KIF3B: variants seen among roughly 807,000 people sequenced by gnomAD.
The protein encoded by KIF3B is kinesin-like protein KIF3B.
KIF3B carries 38 observed loss-of-function variants against 74.3 expected under a neutral mutation model. The ratio of observed to expected loss-of-function variants is 0.51; its 90% CI spans 0.39 to 0.67. The LOEUF (loss-of-function observed/expected upper bound fraction) is 0.67. Among genes scored for constraint, KIF3B ranks in the 30% least tolerant of loss-of-function variants. KIF3B has a pLI of 0.00. For missense variants in KIF3B, 649 were observed against 932.0 expected, an observed-to-expected ratio of 0.70 and a Z score of 3.95; for synonymous variants, 326 against 342.5, an observed-to-expected ratio of 0.95 and a Z score of 0.53.
chr20:32,307,818 C>T (rs1208276199), intron 1 of KIF3B, among the ~76,000 whole-genome samples: 3 of 149,880 alleles, frequency 2.0e-5, no homozygotes, highest in Non-Finnish European at 4.4e-5. Context: ...ACTCGGGAGG[C>T]TGAGACAGGA....
At chr20:32,327,462 C>T in intron 6 of KIF3B, 94 bp from the exon 7 acceptor site, 3 of 948,158 alleles carry the variant, frequency 3.2e-6, no homozygotes, top group Non-Finnish European at 5.0e-6. Flanking sequence ...GCCTGCAGTC[C>T]AGGGAGTTAC....
chr20:32,284,586 C>T (rs1030805253), intron 1 of KIF3B, among the ~76,000 whole-genome samples: 4 of 151,992 alleles, frequency 2.6e-5, no homozygotes, highest in African/African-American at 9.7e-5. Flanking sequence ...GCCAGGAGTC[C>T]GAGACCAACC....
chr20:32,296,800 G>T (rs566139215), intron 1 of KIF3B, among the ~76,000 whole-genome samples: 1 of 152,154 alleles, frequency 6.6e-6, no homozygotes, highest in East Asian at 1.9e-4. Flanking sequence ...TAAAAGTTCT[G>T]CAGGACAGTG....
intron 1 of KIF3B, among the ~76,000 whole-genome samples, chr20:32,284,578 C>T (rs1048860181): frequency 1.3e-5 from 2 of 152,050 alleles, no homozygotes; most frequent in Non-Finnish European, 2.9e-5. Context: ...CACTGGAGGC[C>T]AGGAGTCCGA....
Position 32,310,259 on chromosome 20 carries a change from C to A in KIF3B, c.482C>A (p.Thr161Asn), listed in dbSNP as rs766448828. ...CGAGATTTGCTCTCAAAGGATCAGA[C>A]CAAAAGGCTTGAGCTCAAAGAGAGG... ...EIRDLLSKDQTKRLELKERPD... is the reference protein window; with the variant it reads ...EIRDLLSKDQNKRLELKERPD... Residue 161 changes from threonine to asparagine, a missense_variant, in exon 2 of 9, where the codon ACC becomes AAC. Coordinates refer to ENST00000375712, the MANE Select transcript of KIF3B (RefSeq NM_004798.4). This position sits in a 1 kb window ranked among gnomAD's most constrained non-coding sequence, Gnocchi z 6.5. The A allele has an allele frequency of 1.7e-5, 28 of 1,613,844 alleles. No homozygotes were observed. Among genetic ancestry groups the A allele is most frequent in the Non-Finnish European group, 2.4e-5 (28 of 1,179,988 alleles).
chr20:32,282,752 A>G (rs1332348277), intron 1 of KIF3B, among the ~76,000 whole-genome samples: 1 of 152,192 alleles, frequency 6.6e-6, no homozygotes, highest in Admixed American at 6.5e-5. Flanking sequence ...TGGTGTGCCA[A>G]ATGGCCACAT....
chr20:32,282,730 G>C (rs6087862), intron 1 of KIF3B, among the ~76,000 whole-genome samples: 2 of 152,090 alleles, frequency 1.3e-5, no homozygotes, highest in African/African-American at 4.8e-5. Context: ...GGAATCACTA[G>C]TGAAGTTCAC....
chr20:32,322,708 T>TTTA (rs2047869846), intron 5 of KIF3B, among the ~76,000 whole-genome samples: 1 of 46,334 alleles, frequency 2.2e-5, no homozygotes, highest in African/African-American at 9.0e-5. Flanking sequence ...ATTTATATAT[T>TTTA]TATATATATT....
At chr20:32,305,799 G>A (rs1320410828) in intron 1 of KIF3B, among the ~76,000 whole-genome samples, 2 of 151,070 alleles carry the variant, frequency 1.3e-5, no homozygotes, top group Non-Finnish European at 3.0e-5. Context: ...GGCCAGGCTG[G>A]TCTCGAACTG....
At chr20:32,290,899 A>G (rs1360673809) in intron 1 of KIF3B, among the ~76,000 whole-genome samples, 2 of 151,902 alleles carry the variant, frequency 1.3e-5, no homozygotes, top group African/African-American at 4.8e-5. Context: ...AAGAAAATAT[A>G]TATAGTGCAT....
At chr20:32,321,925 A>C (rs926005219) in intron 5 of KIF3B, among the ~76,000 whole-genome samples, 4 of 152,184 alleles carry the variant, frequency 2.6e-5, no homozygotes, top group African/African-American at 7.2e-5. Context: ...GGAAACCAAA[A>C]AATTGTGTTA....
chr20:32,290,202 G>A (rs1370622637), intron 1 of KIF3B, among the ~76,000 whole-genome samples: 1 of 152,102 alleles, frequency 6.6e-6, no homozygotes, highest in East Asian at 1.9e-4. Context: ...GGCCAACATA[G>A]TGAAACCCAC....
chr20:32,294,282 A>G lies in KIF3B; in HGVS notation c.-65-15431A>G, dbSNP rs533249260. Among the ~76,000 whole-genome samples, 9 of 152,264 alleles carry G rather than the reference A, an allele frequency of 5.9e-5. No individual in the cohort carries two copies. In the East Asian group the frequency reaches 1.7e-3, roughly 29 times the overall value. ...TGTGTCATCAAATGACAGAGAGTAC[A>G]TGGCGCCAGTTTGAATTCAGGGCAG... is the stretch of plus-strand genomic sequence containing the variant. On this transcript the variant is annotated intron_variant, in intron 1 of 8. Transcript: ENST00000375712.
In KIF3B at chr20:32,331,393, G is replaced by A; in HGVS notation, c.*74G>A. On this transcript the variant is annotated 3_prime_UTR_variant, in exon 9 of 9. Coordinates refer to ENST00000375712, the MANE Select transcript of KIF3B (RefSeq NM_004798.4). ...GAAGAGACTAGCAAAAAGCTGCAGA[G>A]AGGATTCGGCCCAAACTCAGAACTG... 1 of 1,251,456 alleles carries A rather than the reference G, an allele frequency of 8.0e-7. No homozygotes were observed. Among genetic ancestry groups the A allele is most frequent in the Non-Finnish European group, 1.1e-6 (1 of 875,096 alleles). The allele number at this position is 1,251,456 out of a possible 1,614,324, so 77.5% of individuals were successfully genotyped here.
At chr20:32,327,529 G>C in intron 6 of KIF3B, 27 bp from the exon 7 acceptor site, 1 of 1,596,866 alleles carries the variant, frequency 6.3e-7, no homozygotes, top group Non-Finnish European at 8.6e-7. Flanking sequence ...CTCCAGCCAG[G>C]GCTTTAACAC....
At chr20:32,327,768 A>G in intron 7 of KIF3B, 107 bp downstream of exon 7, 1 of 690,396 alleles carries the variant, frequency 1.4e-6, no homozygotes, top group East Asian at 2.9e-5. Context: ...TTCCAGAGGT[A>G]CTTGAAGACA....
chr20:32,319,550 G>GTA (rs1253160337), intron 5 of KIF3B, among the ~76,000 whole-genome samples: 8 of 133,638 alleles, frequency 6.0e-5, no homozygotes, highest in Non-Finnish European at 1.1e-4. Flanking sequence ...ACACATATGT[G>GTA]TATATATATA....
At chr20:32,321,362 T>G (rs6141287) in intron 5 of KIF3B, among the ~76,000 whole-genome samples, 52,131 of 150,794 alleles carry the variant, frequency 0.35, 10,248 homozygotes, top group East Asian at 0.74. Context: ...CTGGGAGGTG[T>G]AGGTTGCAGT....
At chr20:32,307,161 T>C (rs1465677465) in intron 1 of KIF3B, among the ~76,000 whole-genome samples, 1 of 152,060 alleles carries the variant, frequency 6.6e-6, no homozygotes, top group East Asian at 1.9e-4. Flanking sequence ...CCTCCCCCAT[T>C]ATGGACATCT....
Sources: gnomAD v4.1 joint callset for allele counts (sites outside exome capture counted in the v4.1 genomes callset) on GRCh38, gnomAD v4.1.1 for gene constraint, Gnocchi (gnomAD v3.1) non-coding constraint, MANE v1.5 for transcripts, NCBI Gene and HGNC (gene_info 2026-07-23, HGNC 2026-07-21) for gene names.